Variants in NDUFB3 observed in about 807,000 individuals in gnomAD.
NDUFB3 encodes the protein NADH:ubiquinone oxidoreductase subunit B3.
NDUFB3 carries 7 observed loss-of-function variants against 9.0 expected under a neutral mutation model. The ratio of observed to expected loss-of-function variants is 0.78; its 90% CI spans 0.44 to 1.46. The LOEUF (loss-of-function observed/expected upper bound fraction) is 1.46. NDUFB3 is among the 40% of genes most tolerant of loss of function. The probability of loss-of-function intolerance (pLI) is 0.01; values close to 1 mark genes in which losing one functional copy is unlikely to be tolerated. For missense variants in NDUFB3, 93 were observed against 115.4 expected (o/e 0.81, Z 0.89); for synonymous variants, 29 against 38.5 (o/e 0.75, Z 0.91).
intron 2 of NDUFB3, among the ~76,000 whole-genome samples, chr2:201,084,747 A>G: frequency 6.6e-6 from 1 of 152,202 alleles, no homozygotes; most frequent in Admixed American, 6.6e-5. Context: ...AGATTTAATT[A>G]GCTCTCGTAT....
intron 2 of NDUFB3, chr2:201,079,865 A>G (rs949220114): frequency 1.3e-5 from 2 of 152,214 alleles, no homozygotes; most frequent in Non-Finnish European, 2.9e-5. Flanking sequence ...AAACATATAT[A>G]CTAAAATTGT....
At chr2:201,072,455 G>A (rs974491750) in intron 1 of NDUFB3, 2 of 152,094 alleles carry the variant, frequency 1.3e-5, no homozygotes, top group African/African-American at 4.8e-5. Flanking sequence ...ATAGTCTTCG[G>A]TAAACTAAAA....
chr2:201,072,106 T>C (rs2047082278), intron 1 of NDUFB3, 47 bp downstream of exon 1: 1 of 152,224 alleles, frequency 6.6e-6, no homozygotes. Context: ...GATTAAGAGC[T>C]AGACTCTATT....
At chr2:201,076,645 A>C (rs536049259) in intron 1 of NDUFB3, among the ~76,000 whole-genome samples, 92 of 151,644 alleles carry the variant, frequency 6.1e-4, no homozygotes, top group African/African-American at 2.2e-3. Context: ...TTTTTGAGAG[A>C]GTCTCACTCT....
chr2:201,072,170 G>A (rs1479527719), intron 1 of NDUFB3, 111 bp downstream of exon 1: 2 of 152,312 alleles, frequency 1.3e-5, no homozygotes, highest in African/African-American at 4.8e-5. Context: ...AGGCTGGGAG[G>A]GAGATCAAAG....
intron 1 of NDUFB3, among the ~76,000 whole-genome samples, chr2:201,073,743 G>A (rs1381090923): frequency 2.6e-5 from 4 of 151,758 alleles, no homozygotes; most frequent in Non-Finnish European, 4.4e-5. Context: ...CTGCACTCCA[G>A]CCTGGCGACA....
intron 2 of NDUFB3, among the ~76,000 whole-genome samples, chr2:201,083,004 C>T (rs1392663110): frequency 6.6e-6 from 1 of 152,110 alleles, no homozygotes; most frequent in Non-Finnish European, 1.5e-5. Context: ...TGAGCCACCG[C>T]GCCCGGCCGC....
chr2:201,073,330 C>G, intron 1 of NDUFB3, among the ~76,000 whole-genome samples: 1 of 152,172 alleles, frequency 6.6e-6, no homozygotes, highest in East Asian at 1.9e-4. Flanking sequence ...TGTGGAGATT[C>G]AATCACACTT....
Position 201,085,469 on chromosome 2 carries a change from T to C in NDUFB3, c.151T>C (p.Trp51Arg). 1 of 1,599,600 alleles carries C rather than the reference T, an allele frequency of 6.3e-7. No homozygotes were observed. The highest frequency in any genetic ancestry group is 1.7e-5 in the Admixed American group (1 of 57,156). The change falls in exon 3 of 3, where the codon TGG becomes CGG. Residue 51 changes from tryptophan (W) to arginine (R), a missense_variant. Coordinates refer to ENST00000237889, the MANE Select transcript of NDUFB3 (RefSeq NM_002491.3). ...TTTTTTTTTTTCTAGCAATGAAGCT[T>C]GGAGATACATGGGTGGCTTTGCAAA... is the stretch of plus-strand genomic sequence containing the variant. ...LRDPWGRNEA[W>R]RYMGGFAKSV...
In NDUFB3 at chr2:201,085,518, TC is replaced by T. The variant is rs747403932; in HGVS notation, c.201del (p.Phe68LeufsTer13). 1.2e-5 allele frequency: 20 copies of T among 1,612,920 alleles called. No individual in the cohort carries two copies. Among genetic ancestry groups the T allele is most frequent in the Admixed American group, 1.7e-5 (1 of 59,952 alleles). ...AAGAGTGTTTCCTTTTCTGATGTAT[TC>T]TTTAAAGGATTCAAATGGGGATTTG... ...FAKSVSFSDV[F>X]FKGFKWGFAA... On this transcript the variant is annotated frameshift_variant, in exon 3 of 3. Coordinates refer to ENST00000237889, the MANE Select transcript of NDUFB3 (RefSeq NM_002491.3). LOFTEE classifies it high-confidence loss of function.
Position 201,073,781 on chromosome 2 carries a change from T to A in NDUFB3, c.-3+1722T>A, listed in dbSNP as rs992037667. Among the ~76,000 whole-genome samples the A allele has an allele frequency of 2.3e-4, 35 of 150,874 alleles. 1 individual carries two copies. The highest frequency in any genetic ancestry group is 8.1e-4 in the African/African-American group (33 of 40,604). The stretch of plus-strand genomic sequence containing the variant: ...GTGATACTCCATCTCAAAAAAAAAA[T>A]TTGTTTTTTTTTAAAGACTAGAGGC... On this transcript the variant is annotated intron_variant, in intron 1 of 2. Transcript: ENST00000237889.
chr2:201,083,891 AATG>A (rs1331981315), intron 2 of NDUFB3, among the ~76,000 whole-genome samples: 1 of 152,058 alleles, frequency 6.6e-6, no homozygotes, highest in Non-Finnish European at 1.5e-5. Flanking sequence ...TGTGGTGGCT[AATG>A]CCTGTAATCC....
intron 1 of NDUFB3, among the ~76,000 whole-genome samples, chr2:201,076,512 T>A (rs190645598): frequency 1.9e-3 from 255 of 134,206 alleles, no homozygotes; most frequent in African/African-American, 4.5e-3. Context: ...TATATATATA[T>A]AATTAAATGT....
intron 1 of NDUFB3, among the ~76,000 whole-genome samples, chr2:201,077,015 G>C (rs997772912): frequency 4.0e-5 from 6 of 151,778 alleles, no homozygotes; most frequent in Non-Finnish European, 8.8e-5. Context: ...CAGGAGAATC[G>C]CTTGAACCCA....
At chr2:201,076,879 T>C (rs889804056) in intron 1 of NDUFB3, among the ~76,000 whole-genome samples, 2 of 152,106 alleles carry the variant, frequency 1.3e-5, no homozygotes, top group African/African-American at 4.8e-5. Flanking sequence ...GGCGGGCAGA[T>C]CACCTGAGGT....
chr2:201,072,616 G>A (rs1001452986), intron 1 of NDUFB3, among the ~76,000 whole-genome samples: 3 of 151,822 alleles, frequency 2.0e-5, no homozygotes, highest in Admixed American at 1.3e-4. Flanking sequence ...TAAAATTTTT[G>A]GTTGCATGTT....
At chr2:201,082,965 G>A (rs544904397) in intron 2 of NDUFB3, among the ~76,000 whole-genome samples, 11 of 150,638 alleles carry the variant, frequency 7.3e-5, no homozygotes, top group South Asian at 6.3e-4. Flanking sequence ...CACCCGCCTC[G>A]GCCTCCCAAA....
At chr2:201,082,196 C>T (rs190513772) in intron 2 of NDUFB3, among the ~76,000 whole-genome samples, 5 of 151,840 alleles carry the variant, frequency 3.3e-5, no homozygotes, top group South Asian at 2.1e-4. Context: ...TCAAGTGATC[C>T]GCTCGCCTCA....
intron 1 of NDUFB3, 116 bp from the exon 2 acceptor site, chr2:201,078,765 A>G: frequency 1.9e-6 from 2 of 1,030,088 alleles, no homozygotes; most frequent in South Asian, 1.7e-5. Flanking sequence ...TCAAGTATTT[A>G]TATTGGCTTT....
Sources: allele counts gnomAD v4.1 joint callset (sites outside exome capture counted in the v4.1 genomes callset), GRCh38; gene constraint gnomAD v4.1.1; transcripts MANE v1.5; gene names NCBI Gene and HGNC (gene_info 2026-07-23, HGNC 2026-07-21).